Variants in NFE2L3 observed in about 807,000 individuals in gnomAD.
NFE2L3 encodes the protein nuclear factor erythroid 2-related factor 3.
In NFE2L3, 18 loss-of-function variants were observed where a neutral mutation model predicts 23.5. The observed-to-expected ratio is 0.77, with a 90% CI of 0.53 to 1.13. NFE2L3 has a LOEUF of 1.13. Among genes scored for constraint, NFE2L3 ranks in the 50% most tolerant of loss-of-function variants. The pLI, the probability that NFE2L3 is intolerant of heterozygous loss-of-function variation, is 0.00. For synonymous variants in NFE2L3, 424 were observed against 354.5 expected, an observed-to-expected ratio of 1.20 and a Z score of -2.20; for missense variants, 1,152 against 877.2, an observed-to-expected ratio of 1.31 and a Z score of -3.96.
intron 1 of NFE2L3, among the ~76,000 whole-genome samples, chr7:26,171,734 T>C (rs1178519958): frequency 6.6e-6 from 1 of 152,124 alleles, no homozygotes; most frequent in African/African-American, 2.4e-5. Context: ...CCTCTCTCTT[T>C]AGAATGTGAG....
At chr7:26,166,132 G>T (rs573437799) in intron 1 of NFE2L3, among the ~76,000 whole-genome samples, 18 of 104,776 alleles carry the variant, frequency 1.7e-4, no homozygotes, top group Non-Finnish European at 3.1e-4. Flanking sequence ...GCGAGCGGGT[G>T]GGGCGGGGGG....
At chr7:26,154,395 C>G (rs1784050471) in intron 1 of NFE2L3, among the ~76,000 whole-genome samples, 1 of 152,172 alleles carries the variant, frequency 6.6e-6, no homozygotes, top group South Asian at 2.1e-4. Context: ...GTGCTGGATG[C>G]TGTACCAGAT....
rs139720559 is a variant in NFE2L3 at position 26,175,848 on chromosome 7, C to A, written c.571-2095C>A. ...TCCAATTAGCTGTTTGATCAATTTT[C>A]TTTTCTTTTTTTTTTTTTTTTTTTA... On this transcript the variant is annotated intron_variant, in intron 1 of 3. Coordinates refer to ENST00000056233, the MANE Select transcript of NFE2L3 (RefSeq NM_004289.7). 7.3e-3 allele frequency among the ~76,000 whole-genome samples: 859 copies of A among 117,174 alleles called. 9 individuals are homozygous for A. The highest frequency in any genetic ancestry group is 0.027 in the African/African-American group (801 of 29,954). 76.9% of individuals were successfully genotyped at this position (117,174 alleles called of 152,430 possible).
chr7:26,156,058 G>A (rs79693596), intron 1 of NFE2L3, among the ~76,000 whole-genome samples: 3,621 of 152,216 alleles, frequency 0.024, 75 homozygotes, highest in Middle Eastern at 0.061. Context: ...GAAGAAGTGG[G>A]GTATGCTAGA....
chr7:26,175,857 T>C (rs904534926), intron 1 of NFE2L3, among the ~76,000 whole-genome samples: 11 of 141,466 alleles, frequency 7.8e-5, no homozygotes, highest in South Asian at 4.3e-4. Context: ...TCTTTTCTTT[T>C]TTTTTTTTTT....
chr7:26,182,502 T>C (rs553305102), intron 2 of NFE2L3, among the ~76,000 whole-genome samples: 2 of 151,892 alleles, frequency 1.3e-5, no homozygotes, highest in Non-Finnish European at 2.9e-5. Flanking sequence ...CACATGCCTG[T>C]AGTCCCAGCT....
Position 26,152,952 on chromosome 7 carries a change from G to A in NFE2L3, c.454G>A (p.Gly152Arg). Residue 152 changes from glycine to arginine, a missense_variant, in exon 1 of 4, where the codon GGG becomes AGG. Gly to Arg is a moderately radical substitution (Grantham distance 125). Coordinates refer to ENST00000056233, the MANE Select transcript of NFE2L3 (RefSeq NM_004289.7). This position sits in a 1 kb window ranked among gnomAD's most constrained non-coding sequence, Gnocchi z 4.4. ...GGACGGCGGCAGCCAGGCTGTGCAG[G>A]GGGGCGGCGGGGACCCCCGAGCGGC... is the stretch of plus-strand genomic sequence containing the variant. The part of the protein sequence containing the change: ...SVDGGSQAVQ[G>R]GGGDPRAARS... 1 of 1,480,916 alleles carries A rather than the reference G, an allele frequency of 6.8e-7. No individual in the cohort carries two copies. The highest frequency in any genetic ancestry group is 8.9e-7 in the Non-Finnish European group (1 of 1,125,058). 91.7% of individuals were successfully genotyped at this position (1,480,916 alleles called of 1,614,324 possible).
At chr7:26,174,830 T>C (rs1341804852) in intron 1 of NFE2L3, 2 of 152,154 alleles carry the variant, frequency 1.3e-5, no homozygotes, top group Non-Finnish European at 2.9e-5. Flanking sequence ...TTTAATGTTA[T>C]AGGGAAAAAA....
chr7:26,155,433 C>T (rs1784066524), intron 1 of NFE2L3, among the ~76,000 whole-genome samples: 1 of 151,948 alleles, frequency 6.6e-6, no homozygotes, highest in South Asian at 2.1e-4. Context: ...CAGAGTGAGA[C>T]TCTGTCTCAA....
At chr7:26,167,659 C>T (rs886317096) in intron 1 of NFE2L3, among the ~76,000 whole-genome samples, 7 of 152,200 alleles carry the variant, frequency 4.6e-5, no homozygotes, top group South Asian at 2.1e-4. Context: ...CTCAAGACTA[C>T]GCAACAGAAC....
chr7:26,185,363 CG>C lies in NFE2L3; in HGVS notation c.1667del (p.Gly556AlafsTer11). 6.2e-7 allele frequency: 1 copy of C among 1,614,042 alleles called. No individual in the cohort carries two copies. The highest frequency in any genetic ancestry group is 1.1e-5 in the South Asian group (1 of 91,058). On this transcript the variant is annotated frameshift_variant, in exon 4 of 4. Coordinates refer to ENST00000056233, the MANE Select transcript of NFE2L3 (RefSeq NM_004289.7). LOFTEE classifies it low-confidence loss of function (END_TRUNC). ...HIPFSVDEIV[G>X]MPVDSFNSML... ...TCCCTTTTTCTGTAGATGAAATTGT[CG>C]GCATGCCTGTTGATTCTTTCAATAG...
At chr7:26,183,546 A>G (rs1026441358) in intron 2 of NFE2L3, among the ~76,000 whole-genome samples, 155 bp from the exon 3 acceptor site, 1 of 143,814 alleles carries the variant, frequency 7.0e-6, no homozygotes, top group South Asian at 2.1e-4. Flanking sequence ...ATCCGTCTCA[A>G]AATATAATAA....
At position 26,176,855 on chromosome 7, in the gene NFE2L3, C is replaced by T. The variant is rs1447839243; in HGVS notation, c.571-1088C>T. Among the ~76,000 whole-genome samples the T allele has an allele frequency of 9.1e-5, 12 of 131,388 alleles. 2 individuals are homozygous for T. The highest frequency in any genetic ancestry group is 2.3e-4 in the African/African-American group (8 of 34,932). 86.2% of individuals were successfully genotyped at this position (131,388 alleles called of 152,430 possible). ...CCTCACTTCCCAGACGATGGGTGGC[C>T]GGGCAGAGGCACTCCTCACCTCCCA... On this transcript the variant is annotated intron_variant, in intron 1 of 3. Coordinates refer to ENST00000056233, the MANE Select transcript of NFE2L3 (RefSeq NM_004289.7).
chr7:26,175,505 C>T (rs958961635), intron 1 of NFE2L3, among the ~76,000 whole-genome samples: 3 of 150,734 alleles, frequency 2.0e-5, no homozygotes, highest in South Asian at 2.1e-4. Context: ...CCGCCGGGTG[C>T]GGTGGCTCAC....
chr7:26,177,861 G>A, intron 1 of NFE2L3, 82 bp from the exon 2 acceptor site: 2 of 1,185,074 alleles, frequency 1.7e-6, no homozygotes, highest in South Asian at 1.5e-5. Flanking sequence ...TTGACTTGTG[G>A]GTTTTCATGG....
intron 1 of NFE2L3, among the ~76,000 whole-genome samples, chr7:26,159,095 C>T (rs1021143052): frequency 2.6e-5 from 4 of 152,366 alleles, no homozygotes; most frequent in Admixed American, 2.6e-4. Context: ...GATGCCTCCT[C>T]TAGCTCGCCA....
chr7:26,163,487 C>T (rs1006906852), intron 1 of NFE2L3, among the ~76,000 whole-genome samples: 1 of 152,124 alleles, frequency 6.6e-6, no homozygotes, highest in African/African-American at 2.4e-5. Context: ...GCTAAGATTA[C>T]AAGCGTGCGC....
At position 26,185,191 on chromosome 7, in the gene NFE2L3, A is replaced by T. The variant is rs372787741; in HGVS notation, c.1493A>T (p.His498Leu). ...DLTFQHVFHN[H>L]TYHLQPTAPE... ...ACATTTCAACACGTATTTCATAACC[A>T]CACTTACCACTTACAGCCAACTGCA... Residue 498 changes from histidine (H) to leucine (L), a missense_variant, in exon 4 of 4, where the codon CAC becomes CTC. Physicochemically the swap from His to Leu is moderately conservative, Grantham distance 99 (BLOSUM62 -3). Transcript: ENST00000056233. 54 of 1,613,754 alleles carry T rather than the reference A, an allele frequency of 3.3e-5. No individual in the cohort carries two copies. The highest frequency in any genetic ancestry group is 4.4e-5 in the Non-Finnish European group (52 of 1,179,856).
At position 26,178,153 on chromosome 7, in the gene NFE2L3, G is replaced by A. The variant is rs149542854; in HGVS notation, c.750+31G>A. On this transcript the variant is annotated intron_variant, in intron 2 of 3. Transcript: ENST00000056233. ...CCTGTCAGAATATTCAAGCCTTGCC[G>A]TTTTGGTTTTAATGTAGATTTTGTG... 8.3e-5 allele frequency: 131 copies of A among 1,582,136 alleles called. 1 individual carries two copies. The East Asian group carries it at 1.3e-3, about 15-fold the overall frequency.
Sources: gnomAD v4.1 joint callset for allele counts (sites outside exome capture counted in the v4.1 genomes callset) on GRCh38, gnomAD v4.1.1 for gene constraint, Gnocchi (gnomAD v3.1) non-coding constraint, MANE v1.5 for transcripts, NCBI Gene and HGNC (gene_info 2026-07-23, HGNC 2026-07-21) for gene names.